AKAIN1: variants seen among roughly 807,000 people sequenced by gnomAD.
The protein encoded by AKAIN1 is A-kinase anchor protein inhibitor 1.
In AKAIN1, 3 loss-of-function variants were observed where a neutral mutation model predicts 3.7. That is an observed-to-expected ratio of 0.82 (90% CI 0.37 to 2.12). The LOEUF (loss-of-function observed/expected upper bound fraction) is 2.12. Ranked by LOEUF, AKAIN1 falls within the 30% of genes most tolerant of loss-of-function variation. The pLI is 0.06. For missense variants in AKAIN1, 82 were observed against 82.7 expected, an observed-to-expected ratio of 0.99 and a Z score of 0.03; for synonymous variants, 31 against 30.8, an observed-to-expected ratio of 1.01 and a Z score of -0.02.
At chr18:5,195,780 T>G (rs1046365620) in intron 1 of AKAIN1, among the ~76,000 whole-genome samples, 4 of 152,114 alleles carry the variant, frequency 2.6e-5, no homozygotes, top group African/African-American at 9.7e-5. Flanking sequence ...CAGTGTTGAT[T>G]GAATGTCCTT....
chr18:5,146,874 A>G (rs1016458323), intron 1 of AKAIN1, among the ~76,000 whole-genome samples: 2 of 152,244 alleles, frequency 1.3e-5, no homozygotes, highest in Admixed American at 6.5e-5. Flanking sequence ...CCCATGGGCC[A>G]GTTTGTCAAC....
chr18:5,170,523 C>T (rs2071191575), intron 1 of AKAIN1: 1 of 152,152 alleles, frequency 6.6e-6, no homozygotes, highest in South Asian at 2.1e-4. Flanking sequence ...GTACAGTCCC[C>T]TGGCACATTG....
At chr18:5,157,184 A>T (rs2071113079) in intron 1 of AKAIN1, among the ~76,000 whole-genome samples, 1 of 152,212 alleles carries the variant, frequency 6.6e-6, no homozygotes, top group African/African-American at 2.4e-5. Flanking sequence ...ACACGGGATT[A>T]GATCTGTGCG....
At chr18:5,171,425 T>A (rs1291859592) in intron 1 of AKAIN1, among the ~76,000 whole-genome samples, 1 of 151,934 alleles carries the variant, frequency 6.6e-6, no homozygotes, top group Non-Finnish European at 1.5e-5. Context: ...GAAGAAAATG[T>A]TTGCAAACTT....
At chr18:5,194,742 T>G (rs1395812575) in intron 1 of AKAIN1, among the ~76,000 whole-genome samples, 3 of 152,232 alleles carry the variant, frequency 2.0e-5, no homozygotes, top group East Asian at 3.8e-4. Flanking sequence ...CCTTGTTAAT[T>G]TATTGTTATA....
At chr18:5,187,427 T>C (rs1462053797) in intron 1 of AKAIN1, among the ~76,000 whole-genome samples, 1 of 152,164 alleles carries the variant, frequency 6.6e-6, no homozygotes, top group Non-Finnish European at 1.5e-5. Flanking sequence ...ATTTGGCTTA[T>C]GGTTCTGGAT....
chr18:5,167,334 G>A (rs925767404), intron 1 of AKAIN1, among the ~76,000 whole-genome samples: 3 of 152,002 alleles, frequency 2.0e-5, no homozygotes, highest in Non-Finnish European at 2.9e-5. Flanking sequence ...TATCTCTTCC[G>A]TCGTATGGCC....
At chr18:5,171,758 A>C (rs183715985) in intron 1 of AKAIN1, among the ~76,000 whole-genome samples, 2 of 152,324 alleles carry the variant, frequency 1.3e-5, no homozygotes, top group East Asian at 3.9e-4. Flanking sequence ...AAATTAGTAC[A>C]ACCACTATGG....
intron 1 of AKAIN1, among the ~76,000 whole-genome samples, chr18:5,181,797 T>C (rs2071260048): frequency 6.6e-6 from 1 of 152,102 alleles, no homozygotes; most frequent in South Asian, 2.1e-4. Flanking sequence ...AGACCAAAGA[T>C]AATGATCAAA....
At chr18:5,175,506 G>T (rs376142094) in intron 1 of AKAIN1, among the ~76,000 whole-genome samples, 2 of 152,116 alleles carry the variant, frequency 1.3e-5, no homozygotes, top group African/African-American at 4.8e-5. Flanking sequence ...CAGTGACATA[G>T]AAGGCAAGGG....
At chr18:5,184,634 A>G (rs292266) in intron 1 of AKAIN1, among the ~76,000 whole-genome samples, 140,649 of 151,986 alleles carry the variant, frequency 0.93, 65,300 homozygotes, top group East Asian at 1. Flanking sequence ...ACAGCTAACC[A>G]GGGAGGTAAA....
At chr18:5,169,088 G>A (rs9962859) in intron 1 of AKAIN1, among the ~76,000 whole-genome samples, 5,399 of 151,988 alleles carry the variant, frequency 0.036, 314 homozygotes, top group African/African-American at 0.12. Context: ...AAGAGTTAAC[G>A]TTGCAGTCTT....
intron 1 of AKAIN1, among the ~76,000 whole-genome samples, chr18:5,192,827 G>A (rs1474152905): frequency 1.3e-5 from 2 of 151,844 alleles, no homozygotes; most frequent in Non-Finnish European, 1.5e-5. Flanking sequence ...CTACAAAGGG[G>A]TAGCACAAGA....
chr18:5,182,323 C>T (rs1244652346), intron 1 of AKAIN1, among the ~76,000 whole-genome samples: 2 of 152,036 alleles, frequency 1.3e-5, no homozygotes, highest in African/African-American at 4.8e-5. Flanking sequence ...ATAAGATGCA[C>T]ATTATTAGTT....
intron 1 of AKAIN1, among the ~76,000 whole-genome samples, chr18:5,192,421 C>CTTTA (rs1218788003): frequency 8.2e-6 from 1 of 122,072 alleles, no homozygotes; most frequent in Non-Finnish European, 1.8e-5. Context: ...TTCTTTCTTT[C>CTTTA]TTTCTTTCTT....
chr18:5,183,813 T>C (rs1411600153), intron 1 of AKAIN1, among the ~76,000 whole-genome samples: 1 of 152,034 alleles, frequency 6.6e-6, no homozygotes, highest in Non-Finnish European at 1.5e-5. Flanking sequence ...CACAACCTTG[T>C]TTAATATATG....
intron 1 of AKAIN1, among the ~76,000 whole-genome samples, chr18:5,153,026 C>T (rs2071088009): frequency 6.6e-6 from 1 of 152,156 alleles, no homozygotes; most frequent in Non-Finnish European, 1.5e-5. Flanking sequence ...TGGAGAAGGC[C>T]TTGAAACACA....
intron 1 of AKAIN1, among the ~76,000 whole-genome samples, chr18:5,156,774 C>G (rs925139505): frequency 2.0e-5 from 3 of 152,142 alleles, no homozygotes; most frequent in Admixed American, 6.5e-5. Context: ...AGCTCCATGG[C>G]CTGGGGGTCT....
intron 1 of AKAIN1, among the ~76,000 whole-genome samples, chr18:5,174,678 T>A (rs1006714712): frequency 3.3e-5 from 5 of 151,916 alleles, no homozygotes; most frequent in Non-Finnish European, 5.9e-5. Flanking sequence ...GAGGTGAAGT[T>A]TGTGGTAAGC....
Sources: allele counts gnomAD v4.1 joint callset (sites outside exome capture counted in the v4.1 genomes callset), GRCh38; gene constraint gnomAD v4.1.1; transcripts MANE v1.5; gene names NCBI Gene and HGNC (gene_info 2026-07-23, HGNC 2026-07-21).